Variants in LGR5 observed in about 807,000 individuals in gnomAD.
LGR5 encodes the protein leucine-rich repeat-containing G protein-coupled receptor 5.
A neutral mutation model predicts 76.7 loss-of-function variants in LGR5; 54 were observed. The ratio of observed to expected loss-of-function variants is 0.70; its 90% CI spans 0.57 to 0.88. LGR5 has a LOEUF of 0.88. LGR5 is among the 40% of genes least tolerant of loss of function. The pLI is 0.00. For missense variants in LGR5, 1,078 were observed against 1,073.3 expected, an observed-to-expected ratio of 1.00 and a Z score of -0.06; for synonymous variants, 406 against 421.9, an observed-to-expected ratio of 0.96 and a Z score of 0.46.
intron 1 of LGR5, among the ~76,000 whole-genome samples, chr12:71,460,750 C>T (rs1872656245): frequency 6.6e-6 from 1 of 152,118 alleles, no homozygotes; most frequent in South Asian, 2.1e-4. Context: ...CATCCAGCCC[C>T]ATTCTTCCTC....
chr12:71,490,568 A>T (rs1874022577), intron 1 of LGR5, among the ~76,000 whole-genome samples: 1 of 152,140 alleles, frequency 6.6e-6, no homozygotes, highest in African/African-American at 2.4e-5. Context: ...GTATAACGGT[A>T]TGTTGAACTC....
rs113166593 is a variant in LGR5, at chr12:71,563,280, C to T, written c.857+1428C>T. On this transcript the variant is annotated intron_variant, in intron 8 of 17. Coordinates refer to ENST00000266674, the MANE Select transcript of LGR5 (RefSeq NM_003667.4). ...CTTTCCAGGTCCAGTTGGCTACCCA[C>T]TCCTCATTTCCACCTCTGTAGTCCC... Among the ~76,000 whole-genome samples the T allele has an allele frequency of 6.7e-3, 1,027 of 152,246 alleles. 15 individuals are homozygous for T. The highest frequency in any genetic ancestry group is 8.1e-3 in the Non-Finnish European group (548 of 68,010).
intron 1 of LGR5, among the ~76,000 whole-genome samples, chr12:71,481,001 C>T (rs1314288039): frequency 1.3e-5 from 2 of 152,194 alleles, no homozygotes; most frequent in African/African-American, 2.4e-5. Flanking sequence ...CATTTAGGCT[C>T]CATTCTTCAG....
intron 1 of LGR5, among the ~76,000 whole-genome samples, chr12:71,502,766 G>C (rs936978289): frequency 6.6e-6 from 1 of 152,202 alleles, no homozygotes; most frequent in African/African-American, 2.4e-5. Flanking sequence ...ACCAGAGAGT[G>C]AATGCTTGCA....
At chr12:71,496,739 C>T (rs1874341890) in intron 1 of LGR5, among the ~76,000 whole-genome samples, 1 of 152,108 alleles carries the variant, frequency 6.6e-6, no homozygotes, top group Non-Finnish European at 1.5e-5. Context: ...TAAAATGAAA[C>T]ACTATGTTGC....
At chr12:71,472,590 C>T (rs1381428920) in intron 1 of LGR5, among the ~76,000 whole-genome samples, 1 of 152,172 alleles carries the variant, frequency 6.6e-6, no homozygotes, top group African/African-American at 2.4e-5. Flanking sequence ...ATCAAACAAC[C>T]ACAACATGTC....
intron 4 of LGR5, among the ~76,000 whole-genome samples, chr12:71,539,214 C>G (rs1342189016): frequency 2.6e-5 from 4 of 152,116 alleles, no homozygotes; most frequent in Non-Finnish European, 2.9e-5. Context: ...TGTTAGTGTT[C>G]TATAACACTA....
At chr12:71,572,767 G>A (rs1206817074) in intron 12 of LGR5, 83 bp from the exon 13 acceptor site, 28 of 953,864 alleles carry the variant, frequency 2.9e-5, no homozygotes, top group Non-Finnish European at 4.7e-5. Context: ...AGGGCAGGTA[G>A]TCCCTCTATA....
chr12:71,476,733 C>T (rs1290083137), intron 1 of LGR5, among the ~76,000 whole-genome samples: 2 of 152,170 alleles, frequency 1.3e-5, no homozygotes, highest in Non-Finnish European at 2.9e-5. Context: ...AAGGCTGGAA[C>T]TTTCAGCATG....
intron 13 of LGR5, among the ~76,000 whole-genome samples, chr12:71,576,480 A>G (rs1289135785): frequency 1.3e-5 from 2 of 152,088 alleles, no homozygotes; most frequent in East Asian, 1.9e-4. Context: ...AGAGAAGACC[A>G]TGAGGGCCCT....
chr12:71,503,926 C>T (rs999541187), intron 1 of LGR5, among the ~76,000 whole-genome samples: 11 of 152,108 alleles, frequency 7.2e-5, no homozygotes, highest in African/African-American at 2.4e-4. Context: ...CACAGAGTTT[C>T]GTTTAAAACA....
Position 71,584,105 on chromosome 12 carries a change from C to T in LGR5, c.2095C>T (p.Pro699Ser), listed in dbSNP as rs1426192030. The T allele has an allele frequency of 6.2e-7, 1 of 1,614,194 alleles. No individual in the cohort carries two copies. The highest frequency in any genetic ancestry group is 8.5e-7 in the Non-Finnish European group (1 of 1,180,042). The change falls in exon 18 of 18, where the codon CCC (proline) becomes TCC (serine). Residue 699 changes from proline to serine, a missense_variant. Transcript: ENST00000266674. ...ALLALTMAAV[P>S]LLGGSKYGAS... is the part of the protein sequence containing the mutation. ...GCTGGCCTTGACCATGGCCGCAGTT[C>T]CCCTGCTGGGTGGCAGCAAGTATGG...
intron 4 of LGR5, among the ~76,000 whole-genome samples, chr12:71,543,623 G>C (rs1034345660): frequency 1.3e-5 from 2 of 152,234 alleles, no homozygotes; most frequent in African/African-American, 2.4e-5. Flanking sequence ...TGGAAGAACT[G>C]TAGATTTCTA....
intron 5 of LGR5, 82 bp from the exon 6 acceptor site, chr12:71,556,537 T>C: frequency 2.1e-6 from 2 of 938,098 alleles, no homozygotes; most frequent in East Asian, 4.8e-5. Context: ...TCAGTATATG[T>C]TTCTTTGGAT....
rs114521828 is a variant in LGR5, at chr12:71,568,695, T to C, written c.1070+1783T>C. On this transcript the variant is annotated intron_variant, in intron 11 of 17. Coordinates refer to ENST00000266674, the MANE Select transcript of LGR5 (RefSeq NM_003667.4). ...AGCTAGTGTATCAACCAAGTAGAAT[T>C]AGCTGAAGTTGAGACTAGAACCCCA... Among the ~76,000 whole-genome samples, 688 of 152,290 alleles carry C rather than the reference T, an allele frequency of 4.5e-3. 6 individuals carry two copies. The highest frequency in any genetic ancestry group is 0.016 in the African/African-American group (662 of 41,552).
intron 16 of LGR5, 73 bp from the exon 17 acceptor site, chr12:71,582,383 A>G: frequency 8.5e-7 from 1 of 1,182,484 alleles, no homozygotes; most frequent in South Asian, 1.2e-5. Context: ...ATAACCCAGG[A>G]CTCTCCACTC....
intron 13 of LGR5, among the ~76,000 whole-genome samples, chr12:71,574,498 G>C (rs1878763839): frequency 6.6e-6 from 1 of 151,856 alleles, no homozygotes; most frequent in Admixed American, 6.6e-5. Flanking sequence ...GATTCGTTTG[G>C]ATCACCATCA....
intron 2 of LGR5, among the ~76,000 whole-genome samples, chr12:71,507,069 G>T (rs997455573): frequency 1.3e-5 from 2 of 152,086 alleles, no homozygotes; most frequent in African/African-American, 2.4e-5. Flanking sequence ...AATCACTGTT[G>T]AAAGTGCTTT....
chr12:71,468,812 G>GA (rs1267577757), intron 1 of LGR5, among the ~76,000 whole-genome samples: 1 of 146,946 alleles, frequency 6.8e-6, no homozygotes, highest in East Asian at 2.0e-4. Flanking sequence ...GTGGGGCTCA[G>GA]AAAAGGAATA....
Sources: gnomAD v4.1 joint callset for allele counts (sites outside exome capture counted in the v4.1 genomes callset) on GRCh38, gnomAD v4.1.1 for gene constraint, MANE v1.5 for transcripts, NCBI Gene and HGNC (gene_info 2026-07-23, HGNC 2026-07-21) for gene names.